Variants in RNASEH2B observed in about 807,000 individuals in gnomAD.
RNASEH2B encodes ribonuclease H2 subunit B, also known as Aicardi-Goutieres syndrome 2 protein.
Under a neutral mutation model 45.0 loss-of-function variants are expected in RNASEH2B, and 36 were observed. The observed-to-expected ratio is 0.80, with a 90% confidence interval of 0.61 to 1.06. RNASEH2B has a LOEUF of 1.06. RNASEH2B is among the 50% of genes least tolerant of loss of function. The probability of loss-of-function intolerance (pLI) is 0.00; values close to 1 mark genes in which losing one functional copy is unlikely to be tolerated. For synonymous variants in RNASEH2B, 119 were observed against 125.7 expected, an observed-to-expected ratio of 0.95 and a Z score of 0.35; for missense variants, 361 against 360.3, an observed-to-expected ratio of 1.00 and a Z score of -0.02.
intron 4 of RNASEH2B, among the ~76,000 whole-genome samples, chr13:50,931,141 G>T (rs1951677284): frequency 1.3e-5 from 2 of 152,172 alleles, no homozygotes. Context: ...CTTCTTTAGT[G>T]AGAGACTGTG....
At chr13:50,943,271 A>T (rs756167483) in intron 5 of RNASEH2B, 50 bp from the exon 6 acceptor site, 1 of 1,025,604 alleles carries the variant, frequency 9.8e-7, no homozygotes, top group African/African-American at 1.6e-5. Context: ...CAACCTTAGG[A>T]GTTTATTTTT....
chr13:50,927,738 C>A (rs1951619344), intron 2 of RNASEH2B, among the ~76,000 whole-genome samples: 1 of 152,158 alleles, frequency 6.6e-6, no homozygotes, highest in Non-Finnish European at 1.5e-5. Flanking sequence ...AAAAAAGTAG[C>A]ATGTTTGAGT....
intron 9 of RNASEH2B, chr13:50,953,118 A>G (rs1951997659): frequency 6.6e-6 from 1 of 152,210 alleles, no homozygotes; most frequent in Admixed American, 6.5e-5. Flanking sequence ...CCATGCAGTC[A>G]ATTCTCCATG....
intron 1 of RNASEH2B, among the ~76,000 whole-genome samples, chr13:50,924,390 CA>C (rs940817409): frequency 6.6e-6 from 1 of 152,024 alleles, no homozygotes; most frequent in Non-Finnish European, 1.5e-5. Context: ...GCTGGAGTGG[CA>C]ATACTAATAT....
intron 9 of RNASEH2B, among the ~76,000 whole-genome samples, chr13:50,967,430 G>A (rs1201141980): frequency 6.6e-6 from 1 of 152,226 alleles, no homozygotes; most frequent in African/African-American, 2.4e-5. Context: ...AAAGCGCATT[G>A]TGATTTTTAA....
At chr13:50,916,846 T>C (rs1879772815) in intron 1 of RNASEH2B, among the ~76,000 whole-genome samples, 1 of 152,158 alleles carries the variant, frequency 6.6e-6, no homozygotes, top group Admixed American at 6.5e-5. Flanking sequence ...CCTTAGCAGG[T>C]TCACATCCTC....
At chr13:50,925,239 CTAAT>C (rs1400841059) in intron 1 of RNASEH2B, among the ~76,000 whole-genome samples, 8 of 151,626 alleles carry the variant, frequency 5.3e-5, no homozygotes, top group Admixed American at 2.6e-4. Context: ...TTCTATGTCT[CTAAT>C]TAACTCGTCT....
intron 1 of RNASEH2B, among the ~76,000 whole-genome samples, chr13:50,914,312 G>A (rs916356858): frequency 1.3e-5 from 2 of 152,148 alleles, no homozygotes; most frequent in African/African-American, 4.8e-5. Context: ...ATATGTTTGT[G>A]TTTAGAAATA....
At chr13:50,968,806 A>C (rs935845802) in intron 9 of RNASEH2B, among the ~76,000 whole-genome samples, 1 of 152,184 alleles carries the variant, frequency 6.6e-6, no homozygotes, top group Non-Finnish European at 1.5e-5. Context: ...TTTAGCATTT[A>C]CTGTACTTTC....
At chr13:50,965,527 A>G (rs1952156896) in intron 9 of RNASEH2B, among the ~76,000 whole-genome samples, 1 of 152,178 alleles carries the variant, frequency 6.6e-6, no homozygotes, top group Non-Finnish European at 1.5e-5. Context: ...CAATCCATCA[A>G]TCCATCCTGG....
intron 1 of RNASEH2B, among the ~76,000 whole-genome samples, chr13:50,918,359 G>C (rs984713867): frequency 1.3e-5 from 2 of 152,124 alleles, no homozygotes; most frequent in East Asian, 3.9e-4. Context: ...GGATGGTCTC[G>C]ATCTCCTGAC....
intron 3 of RNASEH2B, 69 bp downstream of exon 3, chr13:50,929,651 G>A: frequency 2.0e-6 from 2 of 1,003,172 alleles, no homozygotes; most frequent in South Asian, 2.7e-5. Context: ...TTCACACGTG[G>A]GGTTGTGGGT....
exon 10 of RNASEH2B, chr13:50,970,315 T>G (rs1203569352): frequency 8.3e-6 from 4 of 483,036 alleles, no homozygotes; most frequent in African/African-American, 2.0e-5. Context: ...CCCTGAAAGC[T>G]TTGGCAAACC....
chr13:50,939,865 T>C (rs1000018885), intron 5 of RNASEH2B, among the ~76,000 whole-genome samples: 2 of 152,216 alleles, frequency 1.3e-5, no homozygotes, highest in African/African-American at 4.8e-5. Context: ...GAGGCAAAGA[T>C]TTCTTAGGAC....
intron 7 of RNASEH2B, among the ~76,000 whole-genome samples, chr13:50,945,941 A>G: frequency 6.6e-6 from 1 of 152,162 alleles, no homozygotes; most frequent in East Asian, 1.9e-4. Context: ...GCCAAAGCTG[A>G]GCTACTTATG....
rs1284514137 is a variant in RNASEH2B, at chr13:50,956,428, A to G, written c.893A>G (p.Asp298Gly). The G allele has an allele frequency of 3.1e-6, 5 of 1,601,642 alleles. No homozygotes were observed. In the African/African-American group the frequency reaches 6.7e-5, roughly 21 times the overall value. ...KVDKSGMKSIDTFFGVKNKKK... is the reference protein window; with the variant it reads ...KVDKSGMKSIGTFFGVKNKKK... ...GACAAGAGTGGAATGAAAAGTATTG[A>G]TACCTTTTTTGGGGTAAAAAATAAA... is the stretch of plus-strand genomic sequence containing the variant. Residue 298 changes from aspartate (D) to glycine (G), a missense_variant, in exon 11 of 11, where the codon GAT (aspartate) becomes GGT (glycine). By Grantham distance (94) the Asp-to-Gly change is moderately conservative. Transcript: ENST00000336617.
At position 50,956,629 on chromosome 13, in the gene RNASEH2B, A is replaced by G. The variant is rs1046386785; in HGVS notation, c.*155A>G. 6.2e-6 allele frequency: 9 copies of G among 1,441,490 alleles called. No homozygotes were observed. The African/African-American group carries it at 1.3e-4, about 21-fold the overall frequency. 89.3% of individuals were successfully genotyped at this position (1,441,490 alleles called of 1,614,324 possible). On this transcript the variant is annotated 3_prime_UTR_variant, in exon 11 of 11. Coordinates refer to ENST00000336617, the MANE Select transcript of RNASEH2B (RefSeq NM_024570.4). The stretch of plus-strand genomic sequence containing the variant: ...TTGCATTTGGTTTTTGTGTTCCTGA[A>G]CAAAATATGGGAAAGTGTCTAACTT...
At chr13:50,955,323 G>A (rs564216228) in intron 10 of RNASEH2B, 2 of 152,142 alleles carry the variant, frequency 1.3e-5, no homozygotes, top group East Asian at 1.9e-4. Context: ...AGGATAGTTC[G>A]ATTTAAGATC....
chr13:50,951,126 C>T (rs541407024), intron 9 of RNASEH2B: 24 of 152,372 alleles, frequency 1.6e-4, no homozygotes, highest in African/African-American at 5.5e-4. Context: ...ATTTTGGCAT[C>T]TTGCTCTTCC....
Sources: gnomAD v4.1 joint callset for allele counts (sites outside exome capture counted in the v4.1 genomes callset) on GRCh38, gnomAD v4.1.1 for gene constraint, MANE v1.5 for transcripts, NCBI Gene and HGNC (gene_info 2026-07-23, HGNC 2026-07-21) for gene names.